The following VPS13D variants were observed in gnomAD, a reference collection of about 807,000 sequenced individuals.
The protein encoded by VPS13D is vacuolar protein sorting 13 homolog D, also known as intermembrane lipid transfer protein VPS13D.
A neutral mutation model predicts 461.9 loss-of-function variants in VPS13D; 187 were observed. That is an observed-to-expected ratio of 0.40 (90% CI 0.36 to 0.46). VPS13D has a LOEUF of 0.46. Among genes scored for constraint, VPS13D ranks in the 20% least tolerant of loss-of-function variants. VPS13D has a pLI of 0.60. For synonymous variants in VPS13D, 1,951 were observed against 1,986.3 expected (o/e 0.98, Z 0.47); for missense variants, 4,711 against 5,364.9 (o/e 0.88, Z 3.81).
intron 67 of VPS13D, among the ~76,000 whole-genome samples, chr1:12,474,810 A>G (rs1216867657): frequency 6.6e-6 from 1 of 152,170 alleles, no homozygotes; most frequent in Non-Finnish European, 1.5e-5. Context: ...TAGGCAAGGG[A>G]GGTAGCTCTT....
chr1:12,501,223 C>T lies in VPS13D; in HGVS notation c.12794+3592C>T, dbSNP rs532445737. Among the ~76,000 whole-genome samples the T allele has an allele frequency of 1.0e-3, 158 of 152,032 alleles. 1 individual carries two copies. The highest frequency in any genetic ancestry group is 1.9e-3 in the Non-Finnish European group (129 of 67,988). On this transcript the variant is annotated intron_variant, in intron 68 of 69. Coordinates refer to ENST00000620676, the MANE Select transcript of VPS13D (RefSeq NM_015378.4). ...GAGAGCAATCAGGAAAATTTTTGAGCGCACCATATAATATTGATTCTAATA... is the reference window on the plus strand; with the variant it reads ...GAGAGCAATCAGGAAAATTTTTGAGTGCACCATATAATATTGATTCTAATA...
Position 12,316,114 on chromosome 1 carries a change from C to T in VPS13D, c.7148+1787C>T, listed in dbSNP as rs551368130. Reference sequence around the variant, plus strand: ...ACAGGTGTGAGCCACCGTGCCCGGCCGAGAAACATTTCTTTTTGAGTTTAC... The same window carrying T: ...ACAGGTGTGAGCCACCGTGCCCGGCTGAGAAACATTTCTTTTTGAGTTTAC... On this transcript the variant is annotated intron_variant, in intron 30 of 69. Transcript: ENST00000620676. Among the ~76,000 whole-genome samples, 256 of 152,198 alleles carry T rather than the reference C, an allele frequency of 1.7e-3. 1 individual carries two copies. Among genetic ancestry groups the T allele is most frequent in the Middle Eastern group, 6.8e-3 (2 of 294 alleles).
At chr1:12,448,420 T>C (rs1036503437) in intron 65 of VPS13D, among the ~76,000 whole-genome samples, 3 of 152,156 alleles carry the variant, frequency 2.0e-5, no homozygotes, top group African/African-American at 7.2e-5. Flanking sequence ...CCATGGCCAG[T>C]GCTAACTGTA....
At chr1:12,315,287 A>G (rs879258036) in intron 30 of VPS13D, among the ~76,000 whole-genome samples, 1 of 152,242 alleles carries the variant, frequency 6.6e-6, no homozygotes, top group Non-Finnish European at 1.5e-5. Context: ...TTATTCTTAC[A>G]TGTTTCTGTA....
chr1:12,302,760 T>G (rs1642458863), intron 25 of VPS13D, among the ~76,000 whole-genome samples: 1 of 152,148 alleles, frequency 6.6e-6, no homozygotes, highest in African/African-American at 2.4e-5. Context: ...TTATTAACTT[T>G]TTTTTTTAAG....
chr1:12,363,058 C>T lies in VPS13D; in HGVS notation c.10273-14C>T, dbSNP rs1401094526. ...CGACTTGTTGACTAAAGCCTGTGATCCTATGTGTTTTAGGGAACAGCCAAT... is the reference window on the plus strand; with the variant it reads ...CGACTTGTTGACTAAAGCCTGTGATTCTATGTGTTTTAGGGAACAGCCAAT... On this transcript the variant is annotated splice_polypyrimidine_tract_variant and intron_variant, in intron 51 of 69. Coordinates refer to ENST00000620676, the MANE Select transcript of VPS13D (RefSeq NM_015378.4). 1.2e-6 allele frequency: 2 copies of T among 1,613,456 alleles called. No individual in the cohort carries two copies. The highest frequency in any genetic ancestry group is 1.7e-6 in the Non-Finnish European group (2 of 1,179,640).
chr1:12,414,253 C>T (rs1644767445), intron 63 of VPS13D, among the ~76,000 whole-genome samples: 1 of 151,978 alleles, frequency 6.6e-6, no homozygotes, highest in East Asian at 1.9e-4. Flanking sequence ...CACTGCATTC[C>T]AGCCAGGACA....
chr1:12,458,474 G>C (rs1345615306), intron 66 of VPS13D, among the ~76,000 whole-genome samples: 1 of 152,066 alleles, frequency 6.6e-6, no homozygotes, highest in Non-Finnish European at 1.5e-5. Context: ...AGACCTAGAG[G>C]GAGAATCGCT....
intron 65 of VPS13D, among the ~76,000 whole-genome samples, chr1:12,419,018 C>T (rs925927852): frequency 3.9e-5 from 6 of 152,106 alleles, no homozygotes; most frequent in Non-Finnish European, 5.9e-5. Context: ...GTGGAAGTCT[C>T]GTTTGTTTCC....
intron 67 of VPS13D, among the ~76,000 whole-genome samples, chr1:12,462,891 TCA>T: frequency 6.6e-6 from 1 of 152,134 alleles, no homozygotes; most frequent in East Asian, 1.9e-4. Context: ...GGGGAGCCGT[TCA>T]CAGTCAGCAC....
chr1:12,502,988 G>A lies in VPS13D; in HGVS notation c.12795-3865G>A, dbSNP rs368152096. Among the ~76,000 whole-genome samples the A allele has an allele frequency of 2.2e-4, 33 of 152,284 alleles. No homozygotes were observed. In the East Asian group the frequency reaches 2.5e-3, roughly 12 times the overall value. On this transcript the variant is annotated intron_variant, in intron 68 of 69. Transcript: ENST00000620676. This position sits in a 1 kb window ranked among gnomAD's most constrained non-coding sequence, Gnocchi z 4.3. Reference sequence around the variant, plus strand: ...GGAAGCTCTGGGCAAAGTGAGAGGCGGAGACGACTGGCATCAGGGTGGCTG... The same window carrying A: ...GGAAGCTCTGGGCAAAGTGAGAGGCAGAGACGACTGGCATCAGGGTGGCTG...
intron 65 of VPS13D, among the ~76,000 whole-genome samples, chr1:12,448,691 C>G (rs919466371): frequency 6.6e-6 from 1 of 152,220 alleles, no homozygotes; most frequent in African/African-American, 2.4e-5. Flanking sequence ...CCCGACTTCT[C>G]TATGTTGAAG....
Position 12,261,944 on chromosome 1 carries a change from G to A in VPS13D, c.1458G>A (p.Met486Ile), listed in dbSNP as rs776929573. 2 of 1,613,616 alleles carry A rather than the reference G, an allele frequency of 1.2e-6. No individual in the cohort carries two copies. The highest frequency in any genetic ancestry group is 2.2e-5 in the South Asian group (2 of 90,968). Residue 486 changes from methionine to isoleucine, a missense_variant, in exon 13 of 70, where the codon ATG becomes ATA. By Grantham distance (10) the Met-to-Ile change is conservative. Around this residue, in one of 3 missense-constraint regions of VPS13D, gnomAD observed 4,411 missense variants for 4,937.8 expected, o/e 0.89. Coordinates refer to ENST00000620676, the MANE Select transcript of VPS13D (RefSeq NM_015378.4). The part of the protein sequence containing the change: ...FFDPTADASC[M>I]NTYTKRDHVF... ...ACCCCACTGCAGATGCCTCGTGTAT[G>A]AACACGTATACAAAGCGAGATCATG...
chr1:12,433,533 G>A (rs1397829767), intron 65 of VPS13D, among the ~76,000 whole-genome samples: 1 of 152,228 alleles, frequency 6.6e-6, no homozygotes, highest in African/African-American at 2.4e-5. Context: ...AAGCGTGCCT[G>A]CCCTCCCGAT....
At chr1:12,506,805 T>C in intron 68 of VPS13D, 48 bp from the exon 69 acceptor site, 2 of 1,591,210 alleles carry the variant, frequency 1.3e-6, no homozygotes, top group Non-Finnish European at 1.7e-6. Flanking sequence ...CCCCTGATGC[T>C]GGGCGAAGCC....
At chr1:12,431,781 C>T (rs1381692106) in intron 65 of VPS13D, among the ~76,000 whole-genome samples, 1 of 152,072 alleles carries the variant, frequency 6.6e-6, no homozygotes, top group East Asian at 1.9e-4. Flanking sequence ...CTCCTTAAAG[C>T]ACCTTCTATT....
intron 65 of VPS13D, among the ~76,000 whole-genome samples, chr1:12,427,455 C>T (rs1250513008): frequency 6.6e-6 from 1 of 151,088 alleles, no homozygotes; most frequent in African/African-American, 2.4e-5. Context: ...GTTCTGTATT[C>T]ATTAATTTAA....
In VPS13D at chr1:12,379,471, T is replaced by G; in HGVS notation, c.11082-17T>G. ...GACTCGGAGGTTTCATGGTTCATTGTGTATTCCGTTTTCCAGATACGAGCC... is the reference window on the plus strand; with the variant it reads ...GACTCGGAGGTTTCATGGTTCATTGGGTATTCCGTTTTCCAGATACGAGCC... On this transcript the variant is annotated splice_polypyrimidine_tract_variant and intron_variant, in intron 56 of 69. Transcript: ENST00000620676. The G allele has an allele frequency of 8.1e-6, 13 of 1,609,582 alleles. No homozygotes were observed. The highest frequency in any genetic ancestry group is 1.1e-5 in the Non-Finnish European group (13 of 1,177,282).
intron 41 of VPS13D, 55 bp from the exon 42 acceptor site, chr1:12,342,844 G>C (rs777346508): frequency 3.9e-6 from 6 of 1,546,296 alleles, no homozygotes; most frequent in Non-Finnish European, 5.3e-6. Flanking sequence ...GGGCTCCTGT[G>C]AGAGGGAGCT....
Sources: allele counts gnomAD v4.1 joint callset (sites outside exome capture counted in the v4.1 genomes callset), GRCh38; gene constraint gnomAD v4.1.1; regional missense constraint gnomAD v4.1.1; non-coding constraint Gnocchi (gnomAD v3.1); transcripts MANE v1.5; gene names NCBI Gene and HGNC (gene_info 2026-07-23, HGNC 2026-07-21).